DKK2: variants seen among roughly 807,000 people sequenced by gnomAD.
The protein encoded by DKK2 is dickkopf Wnt signaling pathway inhibitor 2.
In DKK2, 11 loss-of-function variants were observed where a neutral mutation model predicts 28.1. That is an observed-to-expected ratio of 0.39 (90% CI 0.25 to 0.65). The LOEUF is 0.65. Ranked by LOEUF, DKK2 falls within the 30% of genes least tolerant of loss-of-function variation. DKK2 has a pLI of 0.47. For missense variants in DKK2, 326 were observed against 335.5 expected (o/e 0.97, Z 0.22); for synonymous variants, 135 against 126.5 (o/e 1.07, Z -0.45).
At chr4:106,928,019 TA>T (rs1724447917) in intron 1 of DKK2, among the ~76,000 whole-genome samples, 1 of 152,226 alleles carries the variant, frequency 6.6e-6, no homozygotes, top group Non-Finnish European at 1.5e-5. Context: ...TTTTATTTAT[TA>T]GCTGTTATTG....
intron 1 of DKK2, among the ~76,000 whole-genome samples, chr4:107,019,653 A>C (rs188789321): frequency 6.6e-6 from 1 of 152,196 alleles, no homozygotes; most frequent in Admixed American, 6.6e-5. Flanking sequence ...TGCATTATCC[A>C]CAGATAATGA....
intron 1 of DKK2, among the ~76,000 whole-genome samples, chr4:106,993,520 G>C (rs1488000889): frequency 6.6e-6 from 1 of 152,038 alleles, no homozygotes; most frequent in Non-Finnish European, 1.5e-5. Context: ...TTGGATTGCT[G>C]ACAGATTGAA....
intron 1 of DKK2, among the ~76,000 whole-genome samples, chr4:106,979,957 A>G (rs1209935915): frequency 2.6e-5 from 4 of 152,226 alleles, no homozygotes; most frequent in African/African-American, 9.6e-5. Context: ...TTACTACAAT[A>G]AGTCTAAATT....
At chr4:106,932,204 T>A (rs931092848) in intron 1 of DKK2, among the ~76,000 whole-genome samples, 5 of 152,156 alleles carry the variant, frequency 3.3e-5, no homozygotes, top group Non-Finnish European at 7.4e-5. Context: ...TGGTTTTTGA[T>A]ACGAAAGATC....
intron 1 of DKK2, among the ~76,000 whole-genome samples, chr4:106,971,685 T>C (rs1578362695): frequency 6.6e-6 from 1 of 152,216 alleles, no homozygotes; most frequent in East Asian, 1.9e-4. Flanking sequence ...TGCATTCTTC[T>C]TGTTTGAAAG....
At chr4:106,939,459 G>C (rs2110343082) in intron 1 of DKK2, among the ~76,000 whole-genome samples, 1 of 152,196 alleles carries the variant, frequency 6.6e-6, no homozygotes, top group Admixed American at 6.5e-5. Flanking sequence ...AAATAAAAGA[G>C]GTTACAAACA....
intron 1 of DKK2, among the ~76,000 whole-genome samples, chr4:106,978,118 T>C (rs1180269229): frequency 6.6e-6 from 1 of 152,162 alleles, no homozygotes; most frequent in Non-Finnish European, 1.5e-5. Flanking sequence ...GGAAGCTTCA[T>C]TCTAGAGGGG....
chr4:106,954,421 C>G (rs1722556279), intron 1 of DKK2, among the ~76,000 whole-genome samples: 1 of 152,134 alleles, frequency 6.6e-6, no homozygotes, highest in African/African-American at 2.4e-5. Context: ...AAAGAGATGA[C>G]TATTATGTTG....
intron 1 of DKK2, among the ~76,000 whole-genome samples, chr4:106,983,594 A>G (rs1337524794): frequency 5.3e-5 from 8 of 152,212 alleles, no homozygotes; most frequent in Non-Finnish European, 2.9e-5. Flanking sequence ...ACCCTGCCAA[A>G]AAACATCGTA....
chr4:106,978,684 G>T (rs1722979665), intron 1 of DKK2, among the ~76,000 whole-genome samples: 1 of 152,156 alleles, frequency 6.6e-6, no homozygotes, highest in South Asian at 2.1e-4. Context: ...GCTCTGTGGG[G>T]GTAGGATCCG....
At chr4:106,999,797 C>T (rs1056474747) in intron 1 of DKK2, among the ~76,000 whole-genome samples, 1 of 151,882 alleles carries the variant, frequency 6.6e-6, no homozygotes, top group African/African-American at 2.4e-5. Context: ...TATTTTTTCT[C>T]GTATTAAATT....
At chr4:107,002,452 T>C (rs1481512137) in intron 1 of DKK2, among the ~76,000 whole-genome samples, 1 of 152,212 alleles carries the variant, frequency 6.6e-6, no homozygotes, top group Non-Finnish European at 1.5e-5. Flanking sequence ...GGCTTTACAG[T>C]GTTTGTCATT....
intron 1 of DKK2, among the ~76,000 whole-genome samples, chr4:106,962,028 G>A (rs1037694367): frequency 3.3e-5 from 5 of 152,106 alleles, no homozygotes; most frequent in African/African-American, 1.2e-4. Context: ...TTCTCACCAA[G>A]CAGTGGACTG....
chr4:107,024,741 G>T (rs145934737), intron 1 of DKK2, among the ~76,000 whole-genome samples: 1 of 152,094 alleles, frequency 6.6e-6, no homozygotes, highest in Non-Finnish European at 1.5e-5. Flanking sequence ...CCATTTTACC[G>T]ATGAAAAAAC....
At chr4:106,937,586 A>G (rs1174416309) in intron 1 of DKK2, among the ~76,000 whole-genome samples, 2 of 151,892 alleles carry the variant, frequency 1.3e-5, no homozygotes, top group Admixed American at 1.3e-4. Context: ...AGGATACCCA[A>G]GAATTGAACT....
At chr4:107,020,003 C>T (rs996232515) in intron 1 of DKK2, among the ~76,000 whole-genome samples, 8 of 151,742 alleles carry the variant, frequency 5.3e-5, no homozygotes, top group African/African-American at 1.4e-4. Flanking sequence ...CAGAAGTGGA[C>T]ATTTAAAAAA....
intron 1 of DKK2, among the ~76,000 whole-genome samples, chr4:106,956,219 G>C (rs1447592326): frequency 6.6e-6 from 1 of 152,124 alleles, no homozygotes. Context: ...CCCCTTCAAG[G>C]AGAACTACAA....
At chr4:107,012,248 T>A (rs1365520632) in intron 1 of DKK2, among the ~76,000 whole-genome samples, 3 of 151,378 alleles carry the variant, frequency 2.0e-5, no homozygotes, top group Non-Finnish European at 4.4e-5. Context: ...CATCACTTAC[T>A]TTATAAGTAA....
chr4:106,962,760 T>A (rs1404099991), intron 1 of DKK2, among the ~76,000 whole-genome samples: 2 of 151,754 alleles, frequency 1.3e-5, no homozygotes, highest in Non-Finnish European at 1.5e-5. Flanking sequence ...ATAAATGGGA[T>A]CACATCAAAC....
Sources: allele counts gnomAD v4.1 joint callset (sites outside exome capture counted in the v4.1 genomes callset), GRCh38; gene constraint gnomAD v4.1.1; transcripts MANE v1.5; gene names NCBI Gene and HGNC (gene_info 2026-07-23, HGNC 2026-07-21).